The following ENPP6 variants were observed in gnomAD, a reference collection of about 807,000 sequenced individuals.
ENPP6 encodes the protein glycerophosphocholine cholinephosphodiesterase ENPP6.
Under a neutral mutation model 42.0 loss-of-function variants are expected in ENPP6, and 32 were observed. That is an observed-to-expected ratio of 0.76 (90% CI 0.58 to 1.02). The LOEUF (loss-of-function observed/expected upper bound fraction) is 1.02, where lower values mean the gene tolerates loss of function less well. ENPP6 is among the 50% of genes least tolerant of loss of function. ENPP6 has a pLI of 0.00. For missense variants in ENPP6, 552 were observed against 566.8 expected (o/e 0.97, Z 0.27); for synonymous variants, 213 against 216.0 (o/e 0.99, Z 0.12).
intron 2 of ENPP6, among the ~76,000 whole-genome samples, chr4:184,140,085 G>A (rs899282626): frequency 1.4e-4 from 21 of 150,354 alleles, no homozygotes; most frequent in Admixed American, 6.6e-5. Context: ...TTGTGGTTTT[G>A]ATTTGCATTT....
At chr4:184,208,917 G>T (rs1337453493) in intron 1 of ENPP6, among the ~76,000 whole-genome samples, 1 of 144,406 alleles carries the variant, frequency 6.9e-6, no homozygotes, top group Admixed American at 7.1e-5. Context: ...TCCTCAAGTG[G>T]GTCCCTGACC....
intron 2 of ENPP6, among the ~76,000 whole-genome samples, chr4:184,140,375 A>T (rs551016361): frequency 6.6e-6 from 1 of 152,282 alleles, no homozygotes; most frequent in South Asian, 2.1e-4. Flanking sequence ...TCTTCACATA[A>T]TTGGAAAAAA....
At chr4:184,149,226 G>A (rs939544300) in intron 2 of ENPP6, among the ~76,000 whole-genome samples, 2 of 152,208 alleles carry the variant, frequency 1.3e-5, no homozygotes, top group African/African-American at 2.4e-5. Context: ...CTCTGTATGA[G>A]CAATGCTGAG....
intron 1 of ENPP6, among the ~76,000 whole-genome samples, chr4:184,209,134 G>GA (rs1310078009): frequency 3.3e-5 from 5 of 151,180 alleles, no homozygotes; most frequent in African/African-American, 4.9e-5. Context: ...CAAAGATGGG[G>GA]AAAAAACAGA....
At chr4:184,205,350 G>A (rs571916090) in intron 1 of ENPP6, among the ~76,000 whole-genome samples, 77 of 152,338 alleles carry the variant, frequency 5.1e-4, no homozygotes, top group African/African-American at 1.6e-3. Flanking sequence ...AGACGCATCC[G>A]CCACGGTGAC....
intron 2 of ENPP6, among the ~76,000 whole-genome samples, chr4:184,135,200 A>G (rs751419800): frequency 6.6e-6 from 1 of 152,170 alleles, no homozygotes; most frequent in African/African-American, 2.4e-5. Flanking sequence ...AGTAAATTCA[A>G]TCAGGTAAAA....
At chr4:184,119,530 G>A (rs981311581) in intron 3 of ENPP6, among the ~76,000 whole-genome samples, 38 of 152,018 alleles carry the variant, frequency 2.5e-4, no homozygotes, top group African/African-American at 8.9e-4. Context: ...AGACAAATTC[G>A]GGATCAAACT....
At chr4:184,131,174 TTTCTTTCTTTCTTTCTTTCTTTCTTTC>T (rs1297892545) in intron 2 of ENPP6, among the ~76,000 whole-genome samples, 9 of 59,510 alleles carry the variant, frequency 1.5e-4, no homozygotes, top group African/African-American at 6.9e-4. Context: ...TCTTTCTTTC[TTTCTTTCTTTCTTTCTTTCTTTCTTTC>T]TTCTTTCTTT....
At chr4:184,147,617 C>T (rs1175235369) in intron 2 of ENPP6, among the ~76,000 whole-genome samples, 3 of 151,976 alleles carry the variant, frequency 2.0e-5, no homozygotes, top group East Asian at 3.9e-4. Context: ...CCGCCACCCC[C>T]GACCCCATGC....
rs4862324 is a variant in ENPP6 at position 184,162,076 on chromosome 4, A to G, written c.242-8343T>C. ...AGGTATCCCCAGTCTTTCCAGCAACAACTGCCCCCCTCCCCGCATGGTTTT... is the reference window on the plus strand; with the variant it reads ...AGGTATCCCCAGTCTTTCCAGCAACGACTGCCCCCCTCCCCGCATGGTTTT... On this transcript the variant is annotated intron_variant, in intron 1 of 7. Coordinates refer to ENST00000296741, the MANE Select transcript of ENPP6 (RefSeq NM_153343.4). Among the ~76,000 whole-genome samples the G allele has an allele frequency of 8.5e-4, 130 of 152,186 alleles. 2 individuals are homozygous for G. In the East Asian group the frequency reaches 0.022, roughly 26 times the overall value.
At chr4:184,123,155 T>C (rs375797376) in intron 3 of ENPP6, among the ~76,000 whole-genome samples, 7 of 152,316 alleles carry the variant, frequency 4.6e-5, no homozygotes, top group South Asian at 2.1e-4. Flanking sequence ...TGTTTTCTGC[T>C]TTCACAGCTC....
intron 1 of ENPP6, among the ~76,000 whole-genome samples, chr4:184,188,586 A>G (rs1732671341): frequency 6.6e-6 from 1 of 152,144 alleles, no homozygotes; most frequent in African/African-American, 2.4e-5. Context: ...ACACACAGGC[A>G]TCTCACGTGA....
intron 6 of ENPP6, among the ~76,000 whole-genome samples, chr4:184,110,729 A>G (rs1397472688): frequency 1.3e-5 from 2 of 152,154 alleles, no homozygotes; most frequent in African/African-American, 4.8e-5. Context: ...GGCATGATAT[A>G]ATTGAGTTGC....
At chr4:184,166,602 C>T (rs889754313) in intron 1 of ENPP6, among the ~76,000 whole-genome samples, 25 of 152,156 alleles carry the variant, frequency 1.6e-4, no homozygotes, top group South Asian at 4.1e-4. Flanking sequence ...TCATCTTCAC[C>T]GCTGTGCAAA....
intron 2 of ENPP6, among the ~76,000 whole-genome samples, chr4:184,145,583 CT>C (rs1480172648): frequency 6.6e-6 from 1 of 152,240 alleles, no homozygotes; most frequent in African/African-American, 2.4e-5. Flanking sequence ...GGTGGCAGGG[CT>C]GTGGCACATT....
intron 3 of ENPP6, among the ~76,000 whole-genome samples, chr4:184,121,686 T>C (rs1283425045): frequency 6.6e-6 from 1 of 152,200 alleles, no homozygotes; most frequent in East Asian, 1.9e-4. Context: ...TAGACACACA[T>C]ACCAAGAGAC....
At chr4:184,121,002 C>G (rs1261030754) in intron 3 of ENPP6, among the ~76,000 whole-genome samples, 2 of 152,144 alleles carry the variant, frequency 1.3e-5, no homozygotes, top group Non-Finnish European at 2.9e-5. Flanking sequence ...CTTGCTCCAC[C>G]ACTGGCTGGC....
At chr4:184,150,188 G>C (rs991253057) in intron 2 of ENPP6, among the ~76,000 whole-genome samples, 1 of 152,034 alleles carries the variant, frequency 6.6e-6, no homozygotes, top group Non-Finnish European at 1.5e-5. Context: ...CGTGCTAAAG[G>C]GCCTGTTGAA....
chr4:184,118,097 T>C (rs1410329009), intron 3 of ENPP6, among the ~76,000 whole-genome samples, 197 bp from the exon 4 acceptor site: 1 of 152,278 alleles, frequency 6.6e-6, no homozygotes, highest in Admixed American at 6.5e-5. Context: ...TTGCTGGTCC[T>C]GAGCAATTCT....
Sources: allele counts gnomAD v4.1 joint callset (sites outside exome capture counted in the v4.1 genomes callset), GRCh38; gene constraint gnomAD v4.1.1; transcripts MANE v1.5; gene names NCBI Gene and HGNC (gene_info 2026-07-23, HGNC 2026-07-21).